The following AKAP9 variants were observed in gnomAD, a reference collection of about 807,000 sequenced individuals.
The protein encoded by AKAP9 is A-kinase anchor protein 9.
In AKAP9, 311 loss-of-function variants were observed where a neutral mutation model predicts 488.5. The observed-to-expected ratio is 0.64, with a 90% CI of 0.58 to 0.70. The LOEUF is 0.70. AKAP9 is among the 30% of genes least tolerant of loss of function. AKAP9 has a pLI of 0.00. For synonymous variants in AKAP9, 1,462 were observed against 1,483.5 expected, an observed-to-expected ratio of 0.99 and a Z score of 0.33; for missense variants, 4,215 against 4,374.5, an observed-to-expected ratio of 0.96 and a Z score of 1.03.
chr7:91,992,295 T>C (rs1289767505), intron 4 of AKAP9, 84 bp downstream of exon 4: 7 of 966,230 alleles, frequency 7.2e-6, no homozygotes, highest in Non-Finnish European at 1.0e-5. Flanking sequence ...TTTTCCTGCA[T>C]GTACTTCTTT....
rs1216066971 is a variant in AKAP9 at position 92,061,416 on chromosome 7, G to T, written c.5758G>T (p.Ala1920Ser). ...REQLAVELSK[A>S]EGVIDGYADE... ...ACAGCTAGCTGTGGAGCTCAGTAAG[G>T]CTGAGGGTGAGCAATTTGCCATTGA... Residue 1920 changes from alanine (A) to serine (S), a missense_variant, in exon 23 of 50, where the codon GCT becomes TCT. Coordinates refer to ENST00000356239, the MANE Select transcript of AKAP9 (RefSeq NM_005751.5). The T allele has an allele frequency of 1.2e-6, 2 of 1,612,386 alleles. No homozygotes were observed. The highest frequency in any genetic ancestry group is 1.7e-6 in the Non-Finnish European group (2 of 1,179,264).
intron 1 of AKAP9, among the ~76,000 whole-genome samples, chr7:91,946,550 T>G (rs761024430): frequency 7.2e-5 from 11 of 152,100 alleles, no homozygotes; most frequent in Non-Finnish European, 1.5e-5. Context: ...TGTTAAAATT[T>G]TTTTGTAGAG....
chr7:92,055,419 AACTT>A (rs1808619056), intron 22 of AKAP9, among the ~76,000 whole-genome samples: 1 of 152,108 alleles, frequency 6.6e-6, no homozygotes, highest in Non-Finnish European at 1.5e-5. Flanking sequence ...TCTGTGAAAT[AACTT>A]CAAGAAATAG....
chr7:92,047,882 C>T (rs1807274189), intron 21 of AKAP9, among the ~76,000 whole-genome samples: 1 of 152,110 alleles, frequency 6.6e-6, no homozygotes, highest in Non-Finnish European at 1.5e-5. Flanking sequence ...TTAGTTAACT[C>T]CATCTTACTG....
intron 46 of AKAP9, among the ~76,000 whole-genome samples, chr7:92,105,463 A>G (rs1286876607): frequency 6.6e-6 from 1 of 152,122 alleles, no homozygotes; most frequent in African/African-American, 2.4e-5. Flanking sequence ...AGAGACCTCT[A>G]ATGCCTCTTG....
At chr7:91,949,240 G>C (rs949223938) in intron 1 of AKAP9, among the ~76,000 whole-genome samples, 2 of 152,096 alleles carry the variant, frequency 1.3e-5, no homozygotes, top group African/African-American at 4.8e-5. Flanking sequence ...GTAGAAATAC[G>C]TATCCCCAGT....
chr7:92,091,608 AAAC>A (rs1473399922), intron 38 of AKAP9, among the ~76,000 whole-genome samples: 1 of 151,344 alleles, frequency 6.6e-6, no homozygotes, highest in East Asian at 1.9e-4. Context: ...CAAAAAAAAA[AAAC>A]AAAGCAGAAG....
intron 6 of AKAP9, 31 bp downstream of exon 6, chr7:91,994,807 AT>A (rs747402876): frequency 2.5e-6 from 4 of 1,578,554 alleles, no homozygotes; most frequent in South Asian, 2.3e-5. Flanking sequence ...AAAATTCATT[AT>A]TTTTTTAGTA....
chr7:91,983,604 C>T (rs2130602396), intron 3 of AKAP9, among the ~76,000 whole-genome samples: 1 of 152,248 alleles, frequency 6.6e-6, no homozygotes, highest in East Asian at 1.9e-4. Context: ...ATTTCTAGTT[C>T]TAGATCCTTG....
chr7:92,005,333 C>T (rs146695158), intron 8 of AKAP9, among the ~76,000 whole-genome samples: 6 of 152,258 alleles, frequency 3.9e-5, no homozygotes, highest in African/African-American at 1.4e-4. Context: ...GAGGAATTGA[C>T]ATTTGAGCTG....
chr7:92,082,693 T>C, intron 32 of AKAP9, 31 bp downstream of exon 32: 1 of 1,610,856 alleles, frequency 6.2e-7, no homozygotes, highest in Non-Finnish European at 8.5e-7. Flanking sequence ...CCTAATTCAC[T>C]CATTTCTACC....
intron 1 of AKAP9, among the ~76,000 whole-genome samples, chr7:91,957,237 A>C (rs1793130006): frequency 1.3e-5 from 2 of 152,166 alleles, no homozygotes; most frequent in South Asian, 4.1e-4. Flanking sequence ...TCTCATTATT[A>C]TGTTTTTAAA....
rs565812419 is a variant in AKAP9 at position 92,022,234 on chromosome 7, A to T, written c.3838-4A>T. The T allele has an allele frequency of 3.1e-5, 49 of 1,595,996 alleles. No homozygotes were observed. The highest frequency in any genetic ancestry group is 4.1e-5 in the Non-Finnish European group (48 of 1,163,728). The stretch of plus-strand genomic sequence containing the variant: ...TACTGCTTTTATTCTGTGGTTTTCA[A>T]TAGATCTGGGGACAGCAGACAGATG... On this transcript the variant is annotated splice_region_variant and splice_polypyrimidine_tract_variant and intron_variant, in intron 12 of 49. Coordinates refer to ENST00000356239, the MANE Select transcript of AKAP9 (RefSeq NM_005751.5).
chr7:92,089,573 A>G, intron 38 of AKAP9, 44 bp downstream of exon 38: 1 of 1,593,060 alleles, frequency 6.3e-7, no homozygotes, highest in Non-Finnish European at 8.6e-7. Flanking sequence ...AACAGGTGAA[A>G]AGATTTCACT....
Position 92,095,038 on chromosome 7 carries a change from T to C in AKAP9, c.9594T>C (p.Asp3198=). The C allele has an allele frequency of 6.2e-7, 1 of 1,614,072 alleles. No individual in the cohort carries two copies. The highest frequency in any genetic ancestry group is 1.7e-5 in the Admixed American group (1 of 60,018). ...TCTGACTTAGGTTGGAAGTTAAAGA[T>C]AAGACAGATGAAGTACATTTGCTTA... ...ELEAFRLEVK[D]KTDEVHLLND... Residue 3198 remains aspartate (D), a synonymous_variant, in exon 40 of 50, where the codon GAT becomes GAC. Coordinates refer to ENST00000356239, the MANE Select transcript of AKAP9 (RefSeq NM_005751.5).
Position 92,079,479 on chromosome 7 carries a change from A to T in AKAP9, c.7346A>T (p.Asn2449Ile). The T allele has an allele frequency of 6.2e-7, 1 of 1,614,040 alleles. No homozygotes were observed. Among genetic ancestry groups the T allele is most frequent in the Non-Finnish European group, 8.5e-7 (1 of 1,180,014 alleles). Residue 2449 changes from asparagine to isoleucine, a missense_variant, in exon 31 of 50, where the codon AAT becomes ATT. This residue lies in a region of AKAP9 where 1,476 missense variants were observed against 1,477.4 expected (regional missense o/e 1.00). Coordinates refer to ENST00000356239, the MANE Select transcript of AKAP9 (RefSeq NM_005751.5). ...SVEKIQSIPE[N>I]SVNVAIDHLS... The stretch of plus-strand genomic sequence containing the variant: ...GAAAAGATTCAAAGCATACCAGAGA[A>T]TAGTGTTAACGTGGCTATAGATCAT...
intron 14 of AKAP9, among the ~76,000 whole-genome samples, chr7:92,026,246 G>T (rs1200205269): frequency 6.6e-6 from 1 of 152,104 alleles, no homozygotes; most frequent in Non-Finnish European, 1.5e-5. Flanking sequence ...ACGCCAGACT[G>T]TTTTTTTCAG....
intron 16 of AKAP9, among the ~76,000 whole-genome samples, chr7:92,036,039 T>A (rs181137751): frequency 1.7e-4 from 26 of 152,056 alleles, no homozygotes; most frequent in Admixed American, 1.6e-3. Context: ...TGATTATCTA[T>A]TGGGAGTAAA....
chr7:92,096,326 T>G (rs922872846), intron 40 of AKAP9, among the ~76,000 whole-genome samples: 2 of 147,084 alleles, frequency 1.4e-5, no homozygotes, highest in Admixed American at 6.7e-5. Flanking sequence ...ACTTCTGAAG[T>G]TTTTTTTGTT....
Sources: gnomAD v4.1 joint callset for allele counts (sites outside exome capture counted in the v4.1 genomes callset) on GRCh38, gnomAD v4.1.1 for gene constraint, gnomAD v4.1.1 regional missense constraint, MANE v1.5 for transcripts, NCBI Gene and HGNC (gene_info 2026-07-23, HGNC 2026-07-21) for gene names.